Variants in INTS6 observed in about 807,000 individuals in gnomAD.
INTS6 encodes the protein integrator complex subunit 6, also known as DEAD box protein.
INTS6 carries 16 observed loss-of-function variants against 104.9 expected under a neutral mutation model. The observed-to-expected ratio is 0.15, with a 90% CI of 0.10 to 0.23. The LOEUF is 0.23. INTS6 is among the 10% of genes least tolerant of loss of function. The pLI is 1.00. For missense variants in INTS6, 584 were observed against 1,062.8 expected (o/e 0.55, Z 6.26); for synonymous variants, 324 against 358.7 (o/e 0.90, Z 1.09).
intron 9 of INTS6, among the ~76,000 whole-genome samples, chr13:51,382,768 T>C (rs1421341405): frequency 2.0e-5 from 3 of 152,190 alleles, no homozygotes; most frequent in East Asian, 3.9e-4. Flanking sequence ...GAATATTTAA[T>C]TAAAAAATTT....
chr13:51,384,952 AATAGGATC>A (rs937420845), intron 7 of INTS6: 1 of 255,190 alleles, frequency 3.9e-6, no homozygotes, highest in Non-Finnish European at 7.8e-6. Flanking sequence ...GTGAAATATA[AATAGGATC>A]ATATAATTTC....
chr13:51,428,034 CA>C (rs1249409066), intron 4 of INTS6, among the ~76,000 whole-genome samples: 2 of 152,136 alleles, frequency 1.3e-5, no homozygotes, highest in Non-Finnish European at 2.9e-5. Context: ...ACAAATTTTA[CA>C]AACAAAACAG....
intron 7 of INTS6, chr13:51,384,656 G>A (rs1447398832): frequency 2.8e-5 from 13 of 456,460 alleles, no homozygotes; most frequent in Middle Eastern, 3.2e-4. Context: ...AAACCTAGCC[G>A]TTATTCTTGA....
At position 51,452,159 on chromosome 13, in the gene INTS6, G is replaced by T; in HGVS notation, c.112-104C>A. ...GCGGCCCCGCCGCCCCCACAGTACC[G>T]CACACGCAGCGGCCACCCCTCCACG... is the stretch of plus-strand genomic sequence containing the variant. On this transcript the variant is annotated intron_variant, in intron 1 of 17. Transcript: ENST00000311234. The surrounding 1 kb of genome is among the most constrained non-coding windows in gnomAD (Gnocchi z 4.2). 2 of 1,062,384 alleles carry T rather than the reference G, an allele frequency of 1.9e-6. No homozygotes were observed. The highest frequency in any genetic ancestry group is 2.8e-6 in the Non-Finnish European group (2 of 716,866). 65.8% of individuals were successfully genotyped at this position (1,062,384 alleles called of 1,614,324 possible). A position where few individuals can be genotyped will look rare whatever the true frequency, so the allele number is the denominator to read the frequency against.
At chr13:51,414,026 T>C (rs1956737776) in intron 4 of INTS6, among the ~76,000 whole-genome samples, 1 of 152,192 alleles carries the variant, frequency 6.6e-6, no homozygotes, top group African/African-American at 2.4e-5. Context: ...GCCTTACAGC[T>C]AAGTGTGGCC....
chr13:51,429,978 T>G (rs1361191435), intron 4 of INTS6, among the ~76,000 whole-genome samples: 1 of 151,682 alleles, frequency 6.6e-6, no homozygotes, highest in Non-Finnish European at 1.5e-5. Flanking sequence ...GAACGCTGTT[T>G]CCCTTTTTTA....
intron 4 of INTS6, among the ~76,000 whole-genome samples, chr13:51,427,300 G>A (rs897899290): frequency 6.6e-6 from 1 of 152,140 alleles, no homozygotes; most frequent in Non-Finnish European, 1.5e-5. Context: ...TTCTGCCAGA[G>A]GCAAAGGTTG....
intron 9 of INTS6, among the ~76,000 whole-genome samples, chr13:51,382,444 C>T (rs1009248883): frequency 2.4e-4 from 36 of 152,148 alleles, no homozygotes; most frequent in African/African-American, 7.5e-4. Context: ...ATAAAATATA[C>T]GTACTAATAT....
At chr13:51,420,248 T>C (rs1162499627) in intron 4 of INTS6, among the ~76,000 whole-genome samples, 1 of 151,744 alleles carries the variant, frequency 6.6e-6, no homozygotes, top group Non-Finnish European at 1.5e-5. Context: ...TAGTCACATA[T>C]ATAATTTCTA....
intron 4 of INTS6, among the ~76,000 whole-genome samples, chr13:51,403,277 C>G (rs1344910852): frequency 1.3e-5 from 2 of 152,124 alleles, no homozygotes; most frequent in Non-Finnish European, 2.9e-5. Flanking sequence ...CAGGACTGAT[C>G]TGTACCAACA....
Position 51,378,319 on chromosome 13 carries a change from T to C in INTS6, c.1522A>G (p.Ile508Val). ...RKDFQQLLQG[I>V]SEDVPHRLLD... is the part of the protein sequence containing the mutation. ...AGTCTGTGAGGGACATCCTCTGAAA[T>C]TCCCTGGAGGAGTTGTTGAAAATCT... Residue 508 changes from isoleucine to valine, a missense_variant, in exon 12 of 18, where the codon ATT becomes GTT. By Grantham distance (29) the Ile-to-Val change is conservative. Coordinates refer to ENST00000311234, the MANE Select transcript of INTS6 (RefSeq NM_012141.3). 1 of 1,613,448 alleles carries C rather than the reference T, an allele frequency of 6.2e-7. No homozygotes were observed. Among genetic ancestry groups the C allele is most frequent in the Non-Finnish European group, 8.5e-7 (1 of 1,179,440 alleles).
the INTS6 span, chr13:51,348,181 C>T: frequency 1.3e-6 from 2 of 1,515,872 alleles, no homozygotes; most frequent in South Asian, 1.2e-5. Context: ...GCTCCTGGGA[C>T]AGAGCTGACC....
intron 7 of INTS6, chr13:51,384,543 G>GT (rs1956105735): frequency 2.3e-6 from 1 of 442,228 alleles, no homozygotes; most frequent in Non-Finnish European, 4.6e-6. Context: ...TTTCTCTGCT[G>GT]TATCTAACTA....
chr13:51,420,991 C>T (rs1200690316), intron 4 of INTS6: 25 of 363,260 alleles, frequency 6.9e-5, no homozygotes, highest in Non-Finnish European at 9.2e-5. Context: ...AATTTATAAG[C>T]TCAAAGTTAA....
intron 4 of INTS6, among the ~76,000 whole-genome samples, chr13:51,413,810 T>C (rs1288020508): frequency 6.6e-6 from 1 of 152,176 alleles, no homozygotes; most frequent in Non-Finnish European, 1.5e-5. Flanking sequence ...CCTGACCTGA[T>C]TTCAGGTCTG....
At chr13:51,449,575 A>G in intron 3 of INTS6, 1 of 985,140 alleles carries the variant, frequency 1.0e-6, no homozygotes, top group Non-Finnish European at 1.2e-6. Context: ...GAGGAAACTA[A>G]TAGTTCTGCC....
At chr13:51,379,192 A>T (rs936939054) in intron 11 of INTS6, among the ~76,000 whole-genome samples, 1 of 151,968 alleles carries the variant, frequency 6.6e-6, no homozygotes, top group Non-Finnish European at 1.5e-5. Context: ...CTCAAAAGAT[A>T]AATAATGTTC....
chr13:51,452,908 CCTGGGAG>C lies in INTS6; in HGVS notation c.-390_-384del. On this transcript the variant is annotated 5_prime_UTR_variant, in exon 1 of 18. Transcript: ENST00000311234. The surrounding 1 kb of genome is among the most constrained non-coding windows in gnomAD (Gnocchi z 4.2). Reference sequence around the variant, plus strand: ...CCCACCCCCGGTACAGGAGTGGGGACCTGGGAGCTGGCGAAGAGGGGAGTGGGCTGAG... The same window carrying C: ...CCCACCCCCGGTACAGGAGTGGGGACCTGGCGAAGAGGGGAGTGGGCTGAG... The C allele has an allele frequency of 9.2e-7, 1 of 1,086,178 alleles. No homozygotes were observed. The highest frequency in any genetic ancestry group is 4.3e-4 in the Middle Eastern group (1 of 2,334). The allele number at this position is 1,086,178 out of a possible 1,614,324, so 67.3% of individuals were successfully genotyped here.
chr13:51,348,189 A>G, the INTS6 span: 3 of 1,546,254 alleles, frequency 1.9e-6, no homozygotes, highest in East Asian at 4.8e-5. Context: ...GACAGAGCTG[A>G]CCTCTGATCC....
Sources: gnomAD v4.1 joint callset for allele counts (sites outside exome capture counted in the v4.1 genomes callset) on GRCh38, gnomAD v4.1.1 for gene constraint, Gnocchi (gnomAD v3.1) non-coding constraint, MANE v1.5 for transcripts, NCBI Gene and HGNC (gene_info 2026-07-23, HGNC 2026-07-21) for gene names.